The following SLC25A26 variants were observed in gnomAD, a reference collection of about 807,000 sequenced individuals.
SLC25A26 encodes mitochondrial S-adenosylmethionine carrier protein.
A neutral mutation model predicts 37.8 loss-of-function variants in SLC25A26; 36 were observed. The ratio of observed to expected loss-of-function variants is 0.95; its 90% CI spans 0.73 to 1.26. SLC25A26 has a LOEUF of 1.26. SLC25A26 is among the 50% of genes most tolerant of loss of function. The probability of loss-of-function intolerance (pLI) is 0.00; values close to 1 mark genes in which losing one functional copy is unlikely to be tolerated. For missense variants in SLC25A26, 390 were observed against 331.1 expected, an observed-to-expected ratio of 1.18 and a Z score of -1.38; for synonymous variants, 129 against 122.5, an observed-to-expected ratio of 1.05 and a Z score of -0.35.
intron 5 of SLC25A26, among the ~76,000 whole-genome samples, chr3:66,292,075 A>T (rs1290587253): frequency 6.6e-6 from 1 of 151,742 alleles, no homozygotes; most frequent in Admixed American, 6.6e-5. Context: ...GTCTTTTTTT[A>T]TGTTTGTTGG....
intron 5 of SLC25A26, among the ~76,000 whole-genome samples, chr3:66,311,293 C>T (rs1426909256): frequency 6.6e-6 from 1 of 151,984 alleles, no homozygotes; most frequent in African/African-American, 2.4e-5. Flanking sequence ...GCTATTGATA[C>T]TTGTGTATGC....
intron 3 of SLC25A26, among the ~76,000 whole-genome samples, chr3:66,252,556 A>G (rs1036902805): frequency 6.6e-6 from 1 of 152,140 alleles, no homozygotes; most frequent in African/African-American, 2.4e-5. Context: ...AAAAAATAGG[A>G]TTAATGCCAT....
chr3:66,223,995 G>T (rs1317420517), intron 1 of SLC25A26, among the ~76,000 whole-genome samples: 1 of 152,134 alleles, frequency 6.6e-6, no homozygotes, highest in Non-Finnish European at 1.5e-5. Flanking sequence ...GACAAACAAT[G>T]GGAAACCCAT....
At chr3:66,268,203 T>C (rs1038269085) in intron 5 of SLC25A26, among the ~76,000 whole-genome samples, 1 of 152,250 alleles carries the variant, frequency 6.6e-6, no homozygotes, top group Non-Finnish European at 1.5e-5. Context: ...ATTACAGACA[T>C]GCTGCAGTGA....
intron 1 of SLC25A26, among the ~76,000 whole-genome samples, chr3:66,143,004 C>A (rs969796610): frequency 6.6e-6 from 1 of 152,042 alleles, no homozygotes; most frequent in South Asian, 2.1e-4. Context: ...TGGCCTCAGG[C>A]GATCTTCCTG....
chr3:66,371,344 G>C (rs1381680192), intron 9 of SLC25A26: 4 of 1,545,210 alleles, frequency 2.6e-6, no homozygotes, highest in Non-Finnish European at 3.5e-6. Context: ...TCACTTATGT[G>C]ATTGTAGTTT....
rs142605201 is a variant in SLC25A26 at position 66,367,075 on chromosome 3, C to T, written c.569-2403C>T. The stretch of plus-strand genomic sequence containing the variant: ...TTATAAAAACTATAGACCAGGGTAC[C>T]GATTAAGCGTTTTCGAGTGCCTGCT... On this transcript the variant is annotated intron_variant, in intron 7 of 9. Coordinates refer to ENST00000354883, the MANE Select transcript of SLC25A26 (RefSeq NM_001379210.1). 4.3e-3 allele frequency among the ~76,000 whole-genome samples: 648 copies of T among 152,204 alleles called. 7 individuals are homozygous for T. Among genetic ancestry groups the T allele is most frequent in the African/African-American group, 0.015 (612 of 41,516 alleles).
At position 66,209,898 on chromosome 3, in the gene SLC25A26, T is replaced by TATATATTTATACA. The variant is rs2071256377; in HGVS notation, c.-353-10844_-353-10843insATATATTTATACA. Among the ~76,000 whole-genome samples, 47 of 38,610 alleles carry TATATATTTATACA rather than the reference T, an allele frequency of 1.2e-3. 6 individuals carry two copies. Among genetic ancestry groups the TATATATTTATACA allele is most frequent in the African/African-American group, 4.1e-3 (47 of 11,370 alleles). 25.3% of individuals were successfully genotyped at this position (38,610 alleles called of 152,430 possible). Reference sequence around the variant, plus strand: ...TATACTCCTCTCTCTCTCTCTCTATTTATATATATATATATATATATATAT... The same window carrying TATATATTTATACA: ...TATACTCCTCTCTCTCTCTCTCTATTATATATTTATACATATATATATATATATATATATATAT... On this transcript the variant is annotated intron_variant, in intron 1 of 10. Coordinates refer to the SLC25A26 transcript ENST00000676754.
Position 66,378,053 on chromosome 3 carries a change from TCTTA to T in SLC25A26, c.*247_*250del, listed in dbSNP as rs1700780256. 7 of 399,348 alleles carry T rather than the reference TCTTA, an allele frequency of 1.8e-5. No individual in the cohort carries two copies. The highest frequency in any genetic ancestry group is 3.2e-5 in the Non-Finnish European group (7 of 222,008). The allele number at this position is 399,348 out of a possible 1,614,324, so 24.7% of individuals were successfully genotyped here. ...TACTCTGAACAATTTCCTCAGAACC[TCTTA>T]ATAAATAAGTTTGGTAATGCTGAGG... On this transcript the variant is annotated 3_prime_UTR_variant, in exon 10 of 10. Transcript: ENST00000354883.
intron 1 of SLC25A26, among the ~76,000 whole-genome samples, chr3:66,142,682 A>G (rs1157965673): frequency 4.6e-5 from 7 of 152,216 alleles, no homozygotes; most frequent in Non-Finnish European, 8.8e-5. Context: ...ACAAAAATGC[A>G]TAGGTTTCCC....
At chr3:66,328,525 A>C (rs1214269265) in intron 5 of SLC25A26, among the ~76,000 whole-genome samples, 1 of 152,176 alleles carries the variant, frequency 6.6e-6, no homozygotes, top group Admixed American at 6.5e-5. Flanking sequence ...ATAGGACTCT[A>C]AAAGGTCTGT....
At chr3:66,368,947 G>A (rs1197106322) in intron 7 of SLC25A26, among the ~76,000 whole-genome samples, 3 of 151,018 alleles carry the variant, frequency 2.0e-5, no homozygotes, top group Non-Finnish European at 4.4e-5. Flanking sequence ...CTTGAGCCTA[G>A]GAGGGTGAGG....
At chr3:66,310,020 C>T (rs182774031) in intron 5 of SLC25A26, among the ~76,000 whole-genome samples, 48 of 152,172 alleles carry the variant, frequency 3.2e-4, no homozygotes, top group Admixed American at 1.2e-3. Context: ...CAGGTCCCCT[C>T]GGTCCGGAGC....
At chr3:66,325,933 CG>C (rs2075826231) in intron 5 of SLC25A26, among the ~76,000 whole-genome samples, 2 of 152,082 alleles carry the variant, frequency 1.3e-5, no homozygotes, top group Admixed American at 6.5e-5. Context: ...AGAGATGAGT[CG>C]GGGTGTTGCA....
At chr3:66,343,775 T>C (rs1424940553) in intron 5 of SLC25A26, among the ~76,000 whole-genome samples, 2 of 152,236 alleles carry the variant, frequency 1.3e-5, no homozygotes, top group African/African-American at 4.8e-5. Flanking sequence ...GTCAGTCTTT[T>C]GGGGCATATT....
intron 1 of SLC25A26, among the ~76,000 whole-genome samples, chr3:66,161,592 G>A (rs755496553): frequency 6.6e-6 from 1 of 152,048 alleles, no homozygotes; most frequent in Non-Finnish European, 1.5e-5. Context: ...CGAAGTTAGC[G>A]AGTTCAGGTA....
chr3:66,349,351 A>G (rs2107751490), intron 6 of SLC25A26, among the ~76,000 whole-genome samples: 1 of 152,226 alleles, frequency 6.6e-6, no homozygotes, highest in East Asian at 1.9e-4. Flanking sequence ...TCAACCCAGA[A>G]AGTTCCCTCA....
intron 5 of SLC25A26, among the ~76,000 whole-genome samples, chr3:66,310,850 C>A (rs1365115520): frequency 6.6e-6 from 1 of 152,184 alleles, no homozygotes; most frequent in Non-Finnish European, 1.5e-5. Context: ...AGCGTTTCTA[C>A]AGAGAGATCT....
intron 1 of SLC25A26, among the ~76,000 whole-genome samples, chr3:66,198,993 C>T (rs978073232): frequency 6.6e-6 from 1 of 151,784 alleles, no homozygotes; most frequent in African/African-American, 2.4e-5. Flanking sequence ...TAACCATGGC[C>T]GTGACTCTGA....
Sources: allele counts gnomAD v4.1 joint callset (sites outside exome capture counted in the v4.1 genomes callset), GRCh38; gene constraint gnomAD v4.1.1; transcripts MANE v1.5; gene names NCBI Gene and HGNC (gene_info 2026-07-23, HGNC 2026-07-21).